Variants in CDIP1 observed in about 807,000 individuals in gnomAD.
The protein encoded by CDIP1 is cell death inducing p53 target 1.
In CDIP1, 9 loss-of-function variants were observed where a neutral mutation model predicts 17.7. That is an observed-to-expected ratio of 0.51 (90% CI 0.31 to 0.89). The LOEUF is 0.89. Ranked by LOEUF, CDIP1 falls within the 40% of genes least tolerant of loss-of-function variation. CDIP1 has a pLI of 0.05. For synonymous variants in CDIP1, 117 were observed against 109.5 expected, an observed-to-expected ratio of 1.07 and a Z score of -0.43; for missense variants, 263 against 277.9, an observed-to-expected ratio of 0.95 and a Z score of 0.38.
rs201745349 is a variant in CDIP1 at position 4,513,697 on chromosome 16, C to T, written c.240G>A (p.Pro80=). ...CCCTCAGATCCCTTCCCCACTCACC[C>T]GGAGGCATGTAGGTGCCATCTGCAC... The part of the protein sequence containing the change: ...HMSADGTYMP[P]GFYPPPGPHP... Residue 80 remains proline (P), a splice_region_variant and synonymous_variant, in exon 4 of 6, where the codon CCG becomes CCA. Transcript: ENST00000567695. The surrounding 1 kb of genome is among the most constrained non-coding windows in gnomAD (Gnocchi z 4.1). The T allele has an allele frequency of 1.4e-4, 225 of 1,613,034 alleles. 1 individual carries two copies. Among genetic ancestry groups the T allele is most frequent in the Middle Eastern group, 1.3e-3 (8 of 5,980 alleles).
Position 4,512,701 on chromosome 16 carries a change from A to G in CDIP1, c.516-18T>C. ...GATCACATCTGAATCAGAGACAGGGAAGAACAGGCTGAGGCCTGCTGCGGA... is the reference window on the plus strand; with the variant it reads ...GATCACATCTGAATCAGAGACAGGGGAGAACAGGCTGAGGCCTGCTGCGGA... On this transcript the variant is annotated intron_variant, in intron 5 of 5. Coordinates refer to ENST00000567695, the MANE Select transcript of CDIP1 (RefSeq NM_013399.3). This position sits in a 1 kb window ranked among gnomAD's most constrained non-coding sequence, Gnocchi z 4.6. The G allele has an allele frequency of 3.7e-6, 6 of 1,610,272 alleles. No homozygotes were observed. Among genetic ancestry groups the G allele is most frequent in the Non-Finnish European group, 5.1e-6 (6 of 1,176,800 alleles).
At chr16:4,517,727 C>T (rs1012558749) in intron 1 of CDIP1, among the ~76,000 whole-genome samples, 2 of 147,832 alleles carry the variant, frequency 1.4e-5, no homozygotes, top group Non-Finnish European at 3.0e-5. Context: ...GGCAACAGTG[C>T]GAGACCCTGT....
intron 1 of CDIP1, among the ~76,000 whole-genome samples, chr16:4,530,430 A>C (rs1228159227): frequency 6.6e-6 from 1 of 152,160 alleles, no homozygotes; most frequent in African/African-American, 2.4e-5. Context: ...CAGTCGGATC[A>C]CTTGAGGTCG....
At chr16:4,526,241 C>T (rs1289660883) in intron 1 of CDIP1, among the ~76,000 whole-genome samples, 5 of 151,890 alleles carry the variant, frequency 3.3e-5, no homozygotes, top group African/African-American at 1.2e-4. Flanking sequence ...TCTGTTTGTA[C>T]AAAAAATACA....
In CDIP1 at chr16:4,513,834, C is replaced by T. The variant is rs748253750; in HGVS notation, c.103G>A (p.Val35Met). The T allele has an allele frequency of 1.3e-6, 2 of 1,586,398 alleles. No homozygotes were observed. Among genetic ancestry groups the T allele is most frequent in the South Asian group, 2.3e-5 (2 of 86,606 alleles). ...PPTPGRSSPA[V>M]MQPPPGMPLP... is the part of the protein sequence containing the mutation. ...GGCATGCCTGGAGGGGGCTGCATCA[C>T]AGCTGGGGAGGAACGGCCTGGACAG... Residue 35 changes from valine (V) to methionine (M), a missense_variant, in exon 4 of 6, where the codon GTG becomes ATG. Coordinates refer to ENST00000567695, the MANE Select transcript of CDIP1 (RefSeq NM_013399.3). The surrounding 1 kb of genome is among the most constrained non-coding windows in gnomAD (Gnocchi z 4.1).
rs545637465 is a variant in CDIP1, at chr16:4,533,584, C to T, written c.-105+5118G>A. ...CCTACTAACTCCATGGTTCAAAGGC[C>T]CTCAGATCCACTATCTCATCTAACA... On this transcript the variant is annotated intron_variant, in intron 1 of 5. Coordinates refer to ENST00000567695, the MANE Select transcript of CDIP1 (RefSeq NM_013399.3). 2.6e-5 allele frequency: 4 copies of T among 152,340 alleles called. No individual in the cohort carries two copies. In the East Asian group the frequency reaches 7.7e-4, roughly 29 times the overall value. 9.4% of individuals were successfully genotyped at this position (152,340 alleles called of 1,614,324 possible).
chr16:4,512,313 C>T lies in CDIP1; in HGVS notation c.*259G>A. ...CCCTCCCAGCTTATCTTCCCGATCA[C>T]ACACACCAAGCAGACCAACAACACA... On this transcript the variant is annotated 3_prime_UTR_variant, in exon 6 of 6. Transcript: ENST00000567695. The surrounding 1 kb of genome is among the most constrained non-coding windows in gnomAD (Gnocchi z 4.6). 1.8e-6 allele frequency: 1 copy of T among 565,438 alleles called. No individual in the cohort carries two copies. Among genetic ancestry groups the T allele is most frequent in the South Asian group, 2.1e-5 (1 of 48,574 alleles). 35.0% of individuals were successfully genotyped at this position (565,438 alleles called of 1,614,324 possible).
In CDIP1 at chr16:4,511,268, C is replaced by T. The variant is rs1427725737; in HGVS notation, c.*1304G>A. On this transcript the variant is annotated 3_prime_UTR_variant, in exon 6 of 6. Transcript: ENST00000567695. The stretch of plus-strand genomic sequence containing the variant: ...GTCCTGCCAGTAGACTGCCTGCAGC[C>T]CCACCCTCTTTCCCTCAAAAAAGAA... 1 of 152,714 alleles carries T rather than the reference C, an allele frequency of 6.5e-6. No individual in the cohort carries two copies. The highest frequency in any genetic ancestry group is 1.5e-5 in the Non-Finnish European group (1 of 68,174). 9.5% of individuals were successfully genotyped at this position (152,714 alleles called of 1,614,324 possible).
chr16:4,512,878 G>C lies in CDIP1; in HGVS notation c.428C>G (p.Pro143Arg). ...FEGAPVQTVC[P>R]HCQQAITTKI... ...GGTGGTGATGGCCTGCTGGCAGTGGGGACACACCGTCTGCACAGGCGCTCC... is the reference window on the plus strand; with the variant it reads ...GGTGGTGATGGCCTGCTGGCAGTGGCGACACACCGTCTGCACAGGCGCTCC... The change falls in exon 5 of 6, where the codon CCC becomes CGC. Residue 143 changes from proline to arginine, a missense_variant. Pro to Arg is a moderately radical substitution (Grantham distance 103). Transcript: ENST00000567695. The surrounding 1 kb of genome is among the most constrained non-coding windows in gnomAD (Gnocchi z 4.6). 6.4e-7 allele frequency: 1 copy of C among 1,565,032 alleles called. No homozygotes were observed. Among genetic ancestry groups the C allele is most frequent in the Non-Finnish European group, 8.7e-7 (1 of 1,154,316 alleles).
chr16:4,530,452 C>A (rs903227098), intron 1 of CDIP1, among the ~76,000 whole-genome samples: 1 of 151,682 alleles, frequency 6.6e-6, no homozygotes. Context: ...GAGTTCGAAA[C>A]CAGCCCGACC....
intron 1 of CDIP1, among the ~76,000 whole-genome samples, chr16:4,521,586 G>A (rs1224751624): frequency 6.6e-6 from 1 of 152,052 alleles, no homozygotes; most frequent in Admixed American, 6.6e-5. Flanking sequence ...CTCTGGGCCA[G>A]GTGTGGTGGC....
At position 4,513,850 on chromosome 16, in the gene CDIP1, G is replaced by T; in HGVS notation, c.87C>A (p.Gly29=). 6.4e-7 allele frequency: 1 copy of T among 1,569,126 alleles called. No homozygotes were observed. Among genetic ancestry groups the T allele is most frequent in the Non-Finnish European group, 8.6e-7 (1 of 1,159,054 alleles). The change falls in exon 4 of 6, where the codon GGC becomes GGA. Residue 29 remains glycine, a splice_region_variant and synonymous_variant. Coordinates refer to ENST00000567695, the MANE Select transcript of CDIP1 (RefSeq NM_013399.3). This position sits in a 1 kb window ranked among gnomAD's most constrained non-coding sequence, Gnocchi z 4.1. ...GCTGCATCACAGCTGGGGAGGAACG[G>T]CCTGGACAGAGAGAGGCAGAAAGAG... is the stretch of plus-strand genomic sequence containing the variant. ...EEKSGAPPTP[G]RSSPAVMQPP...
intron 1 of CDIP1, among the ~76,000 whole-genome samples, chr16:4,521,655 G>A (rs1406305893): frequency 1.4e-5 from 2 of 147,870 alleles, no homozygotes; most frequent in Non-Finnish European, 3.0e-5. Flanking sequence ...TTGAGCCCAG[G>A]AGTTCGAAAC....
rs747970511 is a variant in CDIP1 at position 4,513,712 on chromosome 16, G to A, written c.225C>T (p.Gly75=). The A allele has an allele frequency of 1.2e-6, 2 of 1,613,632 alleles. No individual in the cohort carries two copies. Among genetic ancestry groups the A allele is most frequent in the Non-Finnish European group, 1.7e-6 (2 of 1,179,728 alleles). ...CCCACTCACCCGGAGGCATGTAGGT[G>A]CCATCTGCACTCATGTGTGGTGGGA... ...GFIPPHMSAD[G]TYMPPGFYPP... The change falls in exon 4 of 6, where the codon GGC becomes GGT. Residue 75 remains glycine, a synonymous_variant. Transcript: ENST00000567695. The surrounding 1 kb of genome is among the most constrained non-coding windows in gnomAD (Gnocchi z 4.1).
At chr16:4,523,878 G>A (rs1021984074) in intron 1 of CDIP1, 1 of 152,376 alleles carries the variant, frequency 6.6e-6, no homozygotes, top group African/African-American at 2.4e-5. Flanking sequence ...CAGCCACAGG[G>A]TTTGTTCCAG....
intron 1 of CDIP1, among the ~76,000 whole-genome samples, chr16:4,528,715 G>A (rs1242470922): frequency 2.9e-5 from 4 of 139,896 alleles, no homozygotes; most frequent in East Asian, 2.2e-4. Context: ...AAGGCTGGCC[G>A]CGGTGGCTCA....
intron 1 of CDIP1, among the ~76,000 whole-genome samples, chr16:4,537,293 T>G (rs2059117711): frequency 1.3e-5 from 2 of 152,164 alleles, no homozygotes; most frequent in South Asian, 4.1e-4. Context: ...CACTGTAAAA[T>G]TCCTTCAACT....
At position 4,512,222 on chromosome 16, in the gene CDIP1, G is replaced by C; in HGVS notation, c.*350C>G. 1 of 310,228 alleles carries C rather than the reference G, an allele frequency of 3.2e-6. No homozygotes were observed. Among genetic ancestry groups the C allele is most frequent in the African/African-American group, 2.1e-5 (1 of 46,550 alleles). 19.2% of individuals were successfully genotyped at this position (310,228 alleles called of 1,614,324 possible). A position where few individuals can be genotyped will look rare whatever the true frequency, so the allele number is the denominator to read the frequency against. On this transcript the variant is annotated 3_prime_UTR_variant, in exon 6 of 6. Coordinates refer to ENST00000567695, the MANE Select transcript of CDIP1 (RefSeq NM_013399.3). The surrounding 1 kb of genome is among the most constrained non-coding windows in gnomAD (Gnocchi z 4.6). ...GCTCTGGCTGCTGTTGGTCCCAGGG[G>C]GAAAGAGTCTGGACTGAACCTGTAC...
At position 4,512,865 on chromosome 16, in the gene CDIP1, C is replaced by T; in HGVS notation, c.441G>A (p.Gln147=). The T allele has an allele frequency of 6.4e-7, 1 of 1,563,196 alleles. No individual in the cohort carries two copies. Among genetic ancestry groups the T allele is most frequent in the Non-Finnish European group, 8.7e-7 (1 of 1,153,226 alleles). ...CGTAGGAGATCTTGGTGGTGATGGCCTGCTGGCAGTGGGGACACACCGTCT... is the reference window on the plus strand; with the variant it reads ...CGTAGGAGATCTTGGTGGTGATGGCTTGCTGGCAGTGGGGACACACCGTCT... ...PVQTVCPHCQ[Q]AITTKISYEI... Residue 147 remains glutamine, a synonymous_variant, in exon 5 of 6, where the codon CAG becomes CAA. Coordinates refer to ENST00000567695, the MANE Select transcript of CDIP1 (RefSeq NM_013399.3). This position sits in a 1 kb window ranked among gnomAD's most constrained non-coding sequence, Gnocchi z 4.6.
Sources: gnomAD v4.1 joint callset for allele counts (sites outside exome capture counted in the v4.1 genomes callset) on GRCh38, gnomAD v4.1.1 for gene constraint, Gnocchi (gnomAD v3.1) non-coding constraint, MANE v1.5 for transcripts, NCBI Gene and HGNC (gene_info 2026-07-23, HGNC 2026-07-21) for gene names.